Variants in MIPEP observed in about 807,000 individuals in gnomAD.
The protein encoded by MIPEP is mitochondrial intermediate peptidase.
A neutral mutation model predicts 90.3 loss-of-function variants in MIPEP; 79 were observed. The observed-to-expected ratio is 0.87, with a 90% CI of 0.73 to 1.05. MIPEP has a LOEUF of 1.05. Among genes scored for constraint, MIPEP ranks in the 50% least tolerant of loss-of-function variants. The pLI is 0.00. For synonymous variants in MIPEP, 334 were observed against 315.8 expected, an observed-to-expected ratio of 1.06 and a Z score of -0.61; for missense variants, 940 against 905.6, an observed-to-expected ratio of 1.04 and a Z score of -0.49.
intron 16 of MIPEP, among the ~76,000 whole-genome samples, chr13:23,781,318 G>T (rs9652079): frequency 2.6e-5 from 4 of 152,134 alleles, no homozygotes; most frequent in African/African-American, 7.2e-5. Context: ...TTAAAGAAAA[G>T]AATTTTCAAC....
intron 16 of MIPEP, among the ~76,000 whole-genome samples, chr13:23,781,723 A>G (rs1952784299): frequency 6.6e-6 from 1 of 152,220 alleles, no homozygotes; most frequent in Non-Finnish European, 1.5e-5. Flanking sequence ...TCATGTGCAG[A>G]GACACACATA....
At chr13:23,740,536 T>C (rs183029370) in intron 18 of MIPEP, among the ~76,000 whole-genome samples, 168 of 152,286 alleles carry the variant, frequency 1.1e-3, no homozygotes, top group African/African-American at 3.9e-3. Context: ...TCACCCGTTA[T>C]TAAAAAGAAT....
intron 18 of MIPEP, among the ~76,000 whole-genome samples, chr13:23,739,004 G>A (rs541433011): frequency 5.9e-5 from 9 of 152,190 alleles, no homozygotes; most frequent in Admixed American, 3.3e-4. Flanking sequence ...ATGAGATGTC[G>A]TTTCTCTCAA....
intron 16 of MIPEP, among the ~76,000 whole-genome samples, chr13:23,770,817 T>C (rs1277133547): frequency 1.3e-5 from 2 of 152,206 alleles, no homozygotes; most frequent in Non-Finnish European, 2.9e-5. Flanking sequence ...GTATTGTCCC[T>C]TTACAGTCTT....
chr13:23,862,463 A>C lies in MIPEP; in HGVS notation c.993-101T>G, dbSNP rs1028560846. The C allele has an allele frequency of 2.6e-5, 18 of 686,084 alleles. No homozygotes were observed. The East Asian group carries it at 5.0e-4, about 19-fold the overall frequency. 42.5% of individuals were successfully genotyped at this position (686,084 alleles called of 1,614,324 possible). A position where few individuals can be genotyped will look rare whatever the true frequency, so the allele number is the denominator to read the frequency against. On this transcript the variant is annotated intron_variant, in intron 8 of 18. Coordinates refer to ENST00000382172, the MANE Select transcript of MIPEP (RefSeq NM_005932.4). ...GTTACATTCCAATATTCATAAGATT[A>C]GATACAATTAGTAGTGCACACATAA...
At chr13:23,754,284 A>G (rs1952470315) in intron 18 of MIPEP, among the ~76,000 whole-genome samples, 1 of 152,206 alleles carries the variant, frequency 6.6e-6, no homozygotes, top group African/African-American at 2.4e-5. Context: ...CTTAGCTTAC[A>G]AATCCAGCCC....
intron 16 of MIPEP, among the ~76,000 whole-genome samples, chr13:23,787,850 C>T (rs994418826): frequency 2.0e-5 from 3 of 152,176 alleles, no homozygotes; most frequent in Non-Finnish European, 4.4e-5. Flanking sequence ...GCCATGATGA[C>T]AGGAAATTTC....
chr13:23,762,171 GCTTAA>G (rs1212963492), intron 16 of MIPEP, among the ~76,000 whole-genome samples: 1 of 151,678 alleles, frequency 6.6e-6, no homozygotes, highest in Non-Finnish European at 1.5e-5. Flanking sequence ...TTTTTAAAAA[GCTTAA>G]CTTTTTTTTT....
intron 18 of MIPEP, among the ~76,000 whole-genome samples, chr13:23,755,096 G>A (rs1042290619): frequency 2.0e-5 from 3 of 152,134 alleles, no homozygotes; most frequent in Admixed American, 2.0e-4. Flanking sequence ...ACAGATACAT[G>A]GTAATCCCTA....
rs9507176 is a variant in MIPEP at position 23,862,558 on chromosome 13, G to A, written c.993-196C>T. ...AATATATAAAGCAGCATATTACTGC[G>A]ATTTCTACCTTAAAAAGCATCATGG... is the stretch of plus-strand genomic sequence containing the variant. On this transcript the variant is annotated intron_variant, in intron 8 of 18. Transcript: ENST00000382172. Among the ~76,000 whole-genome samples, 143,082 of 152,272 alleles carry A rather than the reference G, an allele frequency of 0.94. 67,255 individuals are homozygous for A. Among genetic ancestry groups the A allele is most frequent in the East Asian group, 1 (5,191 of 5,192 alleles).
intron 13 of MIPEP, among the ~76,000 whole-genome samples, chr13:23,837,147 C>T (rs970469175): frequency 1.3e-5 from 2 of 152,142 alleles, no homozygotes; most frequent in African/African-American, 4.8e-5. Context: ...CTTCATCATA[C>T]TTTTTAAGCA....
At chr13:23,861,982 G>T (rs542728981) in intron 9 of MIPEP, among the ~76,000 whole-genome samples, 1 of 152,264 alleles carries the variant, frequency 6.6e-6, no homozygotes, top group East Asian at 1.9e-4. Flanking sequence ...AGCCTCCACT[G>T]AGTCTCCTTA....
At chr13:23,887,059 A>G (rs1871521782) in intron 1 of MIPEP, among the ~76,000 whole-genome samples, 1 of 152,244 alleles carries the variant, frequency 6.6e-6, no homozygotes, top group African/African-American at 2.4e-5. Context: ...AGATCTCAGT[A>G]CATAGTACCA....
At chr13:23,770,089 C>T (rs1441534540) in intron 16 of MIPEP, among the ~76,000 whole-genome samples, 1 of 152,156 alleles carries the variant, frequency 6.6e-6, no homozygotes, top group African/African-American at 2.4e-5. Flanking sequence ...GTAAATTACC[C>T]GGTTTCAGGT....
intron 18 of MIPEP, among the ~76,000 whole-genome samples, chr13:23,750,300 CTG>C (rs963151419): frequency 6.6e-6 from 1 of 152,164 alleles, no homozygotes; most frequent in African/African-American, 2.4e-5. Flanking sequence ...TCAAAACTAG[CTG>C]TCTTTTTTCT....
intron 14 of MIPEP, among the ~76,000 whole-genome samples, chr13:23,833,846 C>T (rs1868890974): frequency 6.6e-6 from 1 of 152,182 alleles, no homozygotes; most frequent in Non-Finnish European, 1.5e-5. Context: ...TTCCGCAGCC[C>T]TGCACCACGC....
chr13:23,821,456 T>C (rs1368625340), intron 14 of MIPEP, among the ~76,000 whole-genome samples: 1 of 152,184 alleles, frequency 6.6e-6, no homozygotes, highest in Non-Finnish European at 1.5e-5. Flanking sequence ...GGCTGCCTCC[T>C]GTGCTTACGA....
chr13:23,781,208 G>A (rs1399300213), intron 16 of MIPEP, among the ~76,000 whole-genome samples: 1 of 152,142 alleles, frequency 6.6e-6, no homozygotes, highest in Non-Finnish European at 1.5e-5. Flanking sequence ...CAGAGAGAAA[G>A]GTCGGGTTAC....
chr13:23,848,983 G>C lies in MIPEP; in HGVS notation c.1107-7495C>G, dbSNP rs971050575. ...CCCAAGGAGCAGTCCCACATGACCA[G>C]CCAGTCAGGAGGGCGTGACTGCTGT... On this transcript the variant is annotated intron_variant, in intron 10 of 18. Coordinates refer to ENST00000382172, the MANE Select transcript of MIPEP (RefSeq NM_005932.4). Among the ~76,000 whole-genome samples the C allele has an allele frequency of 2.6e-5, 4 of 152,196 alleles. No individual in the cohort carries two copies. The South Asian group carries it at 8.3e-4, about 32-fold the overall frequency.
Sources: allele counts gnomAD v4.1 joint callset (sites outside exome capture counted in the v4.1 genomes callset), GRCh38; gene constraint gnomAD v4.1.1; transcripts MANE v1.5; gene names NCBI Gene and HGNC (gene_info 2026-07-23, HGNC 2026-07-21).